RNF150: variants seen among roughly 807,000 people sequenced by gnomAD.
RNF150 encodes ring finger protein 150.
A neutral mutation model predicts 39.3 loss-of-function variants in RNF150; 24 were observed. The ratio of observed to expected loss-of-function variants is 0.61; its 90% CI spans 0.44 to 0.86. RNF150 has a LOEUF of 0.86. Among genes scored for constraint, RNF150 ranks in the 40% least tolerant of loss-of-function variants. RNF150 has a pLI of 0.00. For missense variants in RNF150, 502 were observed against 587.8 expected, an observed-to-expected ratio of 0.85 and a Z score of 1.51; for synonymous variants, 255 against 227.3, an observed-to-expected ratio of 1.12 and a Z score of -1.10.
intron 4 of RNF150, 122 bp downstream of exon 4, chr4:140,947,532 C>A: frequency 1.4e-6 from 1 of 716,124 alleles, no homozygotes; most frequent in East Asian, 2.7e-5. Context: ...GCAATAGAAA[C>A]ATGGAAACAC....
At chr4:141,114,137 A>C (rs1739473918) in intron 1 of RNF150, among the ~76,000 whole-genome samples, 1 of 152,188 alleles carries the variant, frequency 6.6e-6, no homozygotes, top group African/African-American at 2.4e-5. Context: ...AGCTAGCAGA[A>C]GTCAAGAAAT....
chr4:141,149,204 A>G (rs919843512), intron 1 of RNF150, among the ~76,000 whole-genome samples: 1 of 152,222 alleles, frequency 6.6e-6, no homozygotes, highest in East Asian at 1.9e-4. Context: ...CAACCATGCA[A>G]TAGTGTCCTG....
At chr4:141,086,801 T>C (rs960633397) in intron 1 of RNF150, among the ~76,000 whole-genome samples, 55 of 151,806 alleles carry the variant, frequency 3.6e-4, no homozygotes, top group African/African-American at 1.3e-3. Flanking sequence ...TTAAATAGAA[T>C]TGACACTTCC....
chr4:141,010,299 G>A (rs952262535), intron 1 of RNF150, among the ~76,000 whole-genome samples: 1 of 152,174 alleles, frequency 6.6e-6, no homozygotes, highest in Non-Finnish European at 1.5e-5. Flanking sequence ...CAGGAGAATT[G>A]GATTTTTGTA....
chr4:140,875,911 GA>G (rs1358571984), intron 6 of RNF150, among the ~76,000 whole-genome samples: 1 of 152,114 alleles, frequency 6.6e-6, no homozygotes, highest in Non-Finnish European at 1.5e-5. Flanking sequence ...CCTGTCTTAT[GA>G]AAGAAGGCAC....
intron 1 of RNF150, among the ~76,000 whole-genome samples, chr4:141,209,153 C>G: frequency 6.6e-6 from 1 of 152,056 alleles, no homozygotes; most frequent in Non-Finnish European, 1.5e-5. Context: ...CAAGAATATG[C>G]AGCTGAAGGA....
At chr4:141,021,679 T>C (rs1735496521) in intron 1 of RNF150, among the ~76,000 whole-genome samples, 2 of 152,214 alleles carry the variant, frequency 1.3e-5, no homozygotes, top group Non-Finnish European at 2.9e-5. Context: ...CAAAGTTAGC[T>C]GTGCTTTCCA....
intron 1 of RNF150, among the ~76,000 whole-genome samples, chr4:141,000,001 AGAAGAAGAAGAAGAAGAAG>A (rs1560678851): frequency 8.2e-4 from 25 of 30,350 alleles, no homozygotes; most frequent in South Asian, 1.2e-3. Flanking sequence ...GAAAAGAAGA[AGAAGAAGAAGAAGAAGAAG>A]AAGAAGAAGA....
intron 1 of RNF150, among the ~76,000 whole-genome samples, chr4:140,995,953 CT>C (rs1298443932): frequency 6.6e-6 from 1 of 152,096 alleles, no homozygotes; most frequent in Non-Finnish European, 1.5e-5. Flanking sequence ...TCAGATATCT[CT>C]TTCATATACT....
intron 1 of RNF150, among the ~76,000 whole-genome samples, chr4:141,155,318 G>T (rs1260838435): frequency 7.1e-6 from 1 of 141,684 alleles, no homozygotes; most frequent in Non-Finnish European, 1.5e-5. Context: ...GGCTGGCCTT[G>T]AACTCCTGAC....
At chr4:141,163,952 G>A (rs1318944006) in intron 1 of RNF150, among the ~76,000 whole-genome samples, 1 of 152,096 alleles carries the variant, frequency 6.6e-6, no homozygotes, top group Non-Finnish European at 1.5e-5. Context: ...TGGAGAATGA[G>A]TTTGACGAAT....
chr4:141,064,446 T>TA (rs1737371954), intron 1 of RNF150, among the ~76,000 whole-genome samples: 1 of 152,086 alleles, frequency 6.6e-6, no homozygotes, highest in South Asian at 2.1e-4. Flanking sequence ...TCCATTACAA[T>TA]AAAGCTAATC....
At chr4:141,006,468 T>C (rs908618697) in intron 1 of RNF150, among the ~76,000 whole-genome samples, 4 of 152,122 alleles carry the variant, frequency 2.6e-5, no homozygotes, top group African/African-American at 9.7e-5. Flanking sequence ...CAAGGAACAA[T>C]GGAAGGGAAT....
At chr4:141,087,638 A>G (rs1286789379) in intron 1 of RNF150, among the ~76,000 whole-genome samples, 3 of 152,140 alleles carry the variant, frequency 2.0e-5, no homozygotes, top group Non-Finnish European at 2.9e-5. Context: ...CTCATTTTTA[A>G]GATCATTCAA....
chr4:141,101,209 ACT>A (rs1229155085), intron 1 of RNF150, among the ~76,000 whole-genome samples: 1 of 151,922 alleles, frequency 6.6e-6, no homozygotes, highest in Non-Finnish European at 1.5e-5. Flanking sequence ...AACTTTTTTG[ACT>A]CTTTTGTAAT....
At chr4:140,905,095 T>C (rs749156576) in intron 6 of RNF150, among the ~76,000 whole-genome samples, 9 of 152,202 alleles carry the variant, frequency 5.9e-5, no homozygotes, top group East Asian at 1.9e-4. Flanking sequence ...CCTGGGTGGT[T>C]TGCAGTGGTA....
intron 1 of RNF150, among the ~76,000 whole-genome samples, chr4:141,057,728 C>G (rs1294327282): frequency 6.6e-6 from 1 of 152,114 alleles, no homozygotes; most frequent in African/African-American, 2.4e-5. Flanking sequence ...TGCTGGACCC[C>G]CTGTATTCTG....
intron 4 of RNF150, among the ~76,000 whole-genome samples, chr4:140,935,068 A>T (rs572100568): frequency 3.0e-4 from 36 of 121,046 alleles, no homozygotes; most frequent in South Asian, 9.2e-4. Flanking sequence ...ATATATATAT[A>T]ATATATATAT....
intron 1 of RNF150, among the ~76,000 whole-genome samples, chr4:141,047,526 A>G (rs1736625473): frequency 1.3e-5 from 2 of 152,186 alleles, no homozygotes; most frequent in Non-Finnish European, 2.9e-5. Context: ...TCTGAGGATA[A>G]TTGGTTATAA....
Sources: gnomAD v4.1 joint callset for allele counts (sites outside exome capture counted in the v4.1 genomes callset) on GRCh38, gnomAD v4.1.1 for gene constraint, MANE v1.5 for transcripts, NCBI Gene and HGNC (gene_info 2026-07-23, HGNC 2026-07-21) for gene names.